The following ERI3 variants were observed in gnomAD, a reference collection of about 807,000 sequenced individuals.
ERI3 encodes the protein ERI1 exoribonuclease family member 3, also known as ERI1 exoribonuclease 3.
A neutral mutation model predicts 44.4 loss-of-function variants in ERI3; 18 were observed. The ratio of observed to expected loss-of-function variants is 0.41; its 90% CI spans 0.28 to 0.60. The LOEUF is 0.60. Among genes scored for constraint, ERI3 ranks in the 20% least tolerant of loss-of-function variants. The pLI, the probability that ERI3 is intolerant of heterozygous loss-of-function variation, is 0.36. For missense variants in ERI3, 294 were observed against 435.5 expected (o/e 0.68, Z 2.89); for synonymous variants, 183 against 164.8 (o/e 1.11, Z -0.84).
chr1:44,325,571 A>G (rs1646295191), intron 3 of ERI3, among the ~76,000 whole-genome samples: 1 of 152,252 alleles, frequency 6.6e-6, no homozygotes, highest in Non-Finnish European at 1.5e-5. Flanking sequence ...ATAAATTTGA[A>G]GATAGAATAA....
intron 7 of ERI3, among the ~76,000 whole-genome samples, chr1:44,265,976 TA>T (rs934689767): frequency 6.6e-6 from 1 of 152,166 alleles, no homozygotes; most frequent in African/African-American, 2.4e-5. Flanking sequence ...GTAAATATAT[TA>T]AAAAACAAAT....
rs756607404 is a variant in ERI3 at position 44,339,304 on chromosome 1, C to T, written c.230G>A (p.Cys77Tyr). 7.4e-7 allele frequency: 1 copy of T among 1,349,526 alleles called. No individual in the cohort carries two copies. The highest frequency in any genetic ancestry group is 1.6e-5 in the African/African-American group (1 of 60,934). The allele number at this position is 1,349,526 out of a possible 1,614,324, so 83.6% of individuals were successfully genotyped here. ...EVRRVLDASG[C>Y]SMLAPLQTGA... ...AGTCTGTAAAGGTGCTAGCATTGAACATCCAGAAGCATCTAAAACTTAGGG... is the reference window on the plus strand; with the variant it reads ...AGTCTGTAAAGGTGCTAGCATTGAATATCCAGAAGCATCTAAAACTTAGGG... Residue 77 changes from cysteine (C) to tyrosine (Y), a missense_variant, in exon 3 of 9, where the codon TGT becomes TAT. By Grantham distance (194) the Cys-to-Tyr change is radical. Transcript: ENST00000372257.
chr1:44,243,450 C>T (rs983342218), intron 8 of ERI3: 3 of 152,286 alleles, frequency 2.0e-5, no homozygotes, highest in African/African-American at 2.4e-5. Flanking sequence ...GGTCCAGGCC[C>T]TGCCCTTAGA....
chr1:44,281,601 A>AAAATATATATATAT (rs1460400186), intron 7 of ERI3, among the ~76,000 whole-genome samples: 3 of 128,058 alleles, frequency 2.3e-5, no homozygotes, highest in African/African-American at 6.7e-5. Context: ...AAAAAAAAAA[A>AAAATATATATATAT]ATATATATAT....
chr1:44,353,776 C>T (rs1221967621), intron 1 of ERI3: 1 of 985,302 alleles, frequency 1.0e-6, no homozygotes, highest in Non-Finnish European at 1.2e-6. Context: ...TGTTAATGAG[C>T]TTTTAATTTG....
chr1:44,281,876 A>ATGTG (rs1491326880), intron 7 of ERI3, among the ~76,000 whole-genome samples: 42 of 96,862 alleles, frequency 4.3e-4, no homozygotes, highest in Non-Finnish European at 5.3e-4. Flanking sequence ...ATACATGTGC[A>ATGTG]TATGTGTGTG....
intron 8 of ERI3, among the ~76,000 whole-genome samples, chr1:44,224,692 C>T (rs569314084): frequency 1.5e-4 from 23 of 152,320 alleles, no homozygotes; most frequent in African/African-American, 5.5e-4. Flanking sequence ...CAATTGATAG[C>T]ACAGATGACT....
At position 44,250,758 on chromosome 1, in the gene ERI3, C is replaced by T. The variant is rs1286957328; in HGVS notation, c.832-2720G>A. ...GGGCATGGGGCGGGAGAGGGGGTGG[C>T]GCATGCACATGGGTCTGCCAAGCTC... On this transcript the variant is annotated intron_variant, in intron 7 of 8. Transcript: ENST00000372257. Among the ~76,000 whole-genome samples, 8 of 152,220 alleles carry T rather than the reference C, an allele frequency of 5.3e-5. No homozygotes were observed. The East Asian group carries it at 5.8e-4, about 11-fold the overall frequency.
chr1:44,231,376 C>G (rs553192625), intron 8 of ERI3, among the ~76,000 whole-genome samples: 115 of 152,074 alleles, frequency 7.6e-4, no homozygotes, highest in African/African-American at 2.7e-3. Flanking sequence ...TTTTCCTTGC[C>G]CACTTCTTTT....
chr1:44,266,237 A>AT (rs1644988670), intron 7 of ERI3, among the ~76,000 whole-genome samples: 1 of 152,224 alleles, frequency 6.6e-6, no homozygotes, highest in Non-Finnish European at 1.5e-5. Flanking sequence ...CACTGAGGAC[A>AT]TAAGAGGAGT....
chr1:44,286,733 C>T (rs1215676840), intron 6 of ERI3, among the ~76,000 whole-genome samples: 1 of 152,196 alleles, frequency 6.6e-6, no homozygotes, highest in Non-Finnish European at 1.5e-5. Context: ...GTCTGTCTCC[C>T]TGTAACTTCT....
chr1:44,353,891 C>G, intron 1 of ERI3: 7 of 985,346 alleles, frequency 7.1e-6, no homozygotes, highest in Non-Finnish European at 8.4e-6. Context: ...CCCCAACCCC[C>G]ACCTCCTGAG....
At chr1:44,276,952 T>C (rs957307860) in intron 7 of ERI3, among the ~76,000 whole-genome samples, 2 of 152,216 alleles carry the variant, frequency 1.3e-5, no homozygotes, top group African/African-American at 4.8e-5. Context: ...AATGAATTAA[T>C]ACCATCAACC....
intron 7 of ERI3, among the ~76,000 whole-genome samples, chr1:44,262,159 G>A (rs546722505): frequency 2.6e-5 from 4 of 152,256 alleles, no homozygotes; most frequent in South Asian, 4.1e-4. Flanking sequence ...TAATGGAGAA[G>A]TGTGACAAGG....
intron 8 of ERI3, among the ~76,000 whole-genome samples, chr1:44,244,737 C>T (rs1644517856): frequency 6.6e-6 from 1 of 152,034 alleles, no homozygotes; most frequent in African/African-American, 2.4e-5. Context: ...AACTCCCCTG[C>T]CCAAAACACT....
chr1:44,258,546 G>A (rs142162931), intron 7 of ERI3, among the ~76,000 whole-genome samples: 15 of 152,296 alleles, frequency 9.8e-5, no homozygotes, highest in Admixed American at 2.6e-4. Context: ...CCTGTGCTGG[G>A]TGCTAGAGAT....
chr1:44,339,010 C>A, intron 3 of ERI3, 35 bp downstream of exon 3: 1 of 1,601,272 alleles, frequency 6.2e-7, no homozygotes. Flanking sequence ...TCCTTGCCCC[C>A]CCCACCTTTT....
rs1646781170 is a variant in ERI3, at chr1:44,346,269, AC to A, written c.211+6580del. Among the ~76,000 whole-genome samples the A allele has an allele frequency of 2.6e-5, 4 of 152,196 alleles. No homozygotes were observed. In the South Asian group the frequency reaches 8.3e-4, roughly 32 times the overall value. On this transcript the variant is annotated intron_variant, in intron 2 of 8. Transcript: ENST00000372257. ...CCAAACTACCAGCAGAGCTAAAATC[AC>A]TAAAGATCTTCAGGAACACCAAATT...
chr1:44,249,708 C>T (rs1644634690), intron 7 of ERI3, among the ~76,000 whole-genome samples: 1 of 152,100 alleles, frequency 6.6e-6, no homozygotes, highest in South Asian at 2.1e-4. Context: ...GGCCCAGAGC[C>T]AGGGCAGAGC....
Sources: gnomAD v4.1 joint callset for allele counts (sites outside exome capture counted in the v4.1 genomes callset) on GRCh38, gnomAD v4.1.1 for gene constraint, MANE v1.5 for transcripts, NCBI Gene and HGNC (gene_info 2026-07-23, HGNC 2026-07-21) for gene names.